Variants in KCNMA1 observed in about 807,000 individuals in gnomAD.
The protein encoded by KCNMA1 is Calcium-activated potassium channel subunit alpha-1.
In KCNMA1, 29 loss-of-function variants were observed where a neutral mutation model predicts 140.0. The observed-to-expected ratio is 0.21, with a 90% CI of 0.15 to 0.28. KCNMA1 has a LOEUF of 0.28. Ranked by LOEUF, KCNMA1 falls within the 10% of genes least tolerant of loss-of-function variation. KCNMA1 has a pLI of 1.00. For missense variants in KCNMA1, 880 were observed against 1,602.2 expected (o/e 0.55, Z 7.70); for synonymous variants, 612 against 611.9 (o/e 1.00, Z 0.00).
At position 77,079,525 on chromosome 10, in the gene KCNMA1, G is replaced by A; in HGVS notation, c.1549C>T (p.Pro517Ser). The change falls in exon 13 of 28, where the codon CCG becomes TCG. Residue 517 changes from proline (P) to serine (S), a missense_variant. Pro to Ser is a moderately conservative substitution (Grantham distance 74). This residue lies in a region of KCNMA1 where 198 missense variants were observed against 580.1 expected (regional missense o/e 0.34). Coordinates refer to ENST00000286628, the MANE Select transcript of KCNMA1 (RefSeq NM_001161352.2). ...ATTTGAGTGATGATTCTTATCTTCG[G>A]ATGGTAGTTCTTTATGGAGATTACT... Reference protein sequence around the residue: ...MRVISIKNYHPKIRIITQMLQ... With the variant: ...MRVISIKNYHSKIRIITQMLQ... The A allele has an allele frequency of 1.2e-6, 2 of 1,611,936 alleles. No individual in the cohort carries two copies. Among genetic ancestry groups the A allele is most frequent in the Non-Finnish European group, 1.7e-6 (2 of 1,178,028 alleles).
intron 23 of KCNMA1, among the ~76,000 whole-genome samples, chr10:76,917,140 T>C (rs1029850036): frequency 3.3e-5 from 5 of 152,218 alleles, no homozygotes. Context: ...CTGTTTTCAT[T>C]AGAAGTTTCA....
chr10:77,423,621 GA>G (rs2154488123), intron 1 of KCNMA1, among the ~76,000 whole-genome samples: 1 of 152,272 alleles, frequency 6.6e-6, no homozygotes, highest in East Asian at 1.9e-4. Context: ...GAGGCCACAG[GA>G]TGAAAAATCA....
At chr10:77,474,673 G>C (rs2098240042) in intron 1 of KCNMA1, among the ~76,000 whole-genome samples, 1 of 151,958 alleles carries the variant, frequency 6.6e-6, no homozygotes, top group Non-Finnish European at 1.5e-5. Flanking sequence ...AGACTGGACA[G>C]CCAAACAACA....
At chr10:76,984,795 C>T (rs1306016933) in intron 19 of KCNMA1, among the ~76,000 whole-genome samples, 1 of 152,182 alleles carries the variant, frequency 6.6e-6, no homozygotes, top group Non-Finnish European at 1.5e-5. Flanking sequence ...AGCACTGCAT[C>T]AGGCAAGTTG....
chr10:76,992,216 A>C (rs776004940), intron 19 of KCNMA1, among the ~76,000 whole-genome samples: 13 of 152,106 alleles, frequency 8.5e-5, no homozygotes, highest in Non-Finnish European at 1.5e-4. Context: ...ACCAAATGAG[A>C]TGGTCTGAGA....
intron 5 of KCNMA1, among the ~76,000 whole-genome samples, chr10:77,131,835 G>A (rs1011666147): frequency 7.3e-5 from 11 of 151,642 alleles, no homozygotes; most frequent in East Asian, 1.9e-4. Flanking sequence ...CATGGAGGCA[G>A]GCACCTGTAA....
At chr10:77,439,220 C>T (rs932483183) in intron 1 of KCNMA1, among the ~76,000 whole-genome samples, 2 of 152,172 alleles carry the variant, frequency 1.3e-5, no homozygotes, top group African/African-American at 2.4e-5. Context: ...ATTTCACAGA[C>T]AATACCTGTA....
intron 2 of KCNMA1, among the ~76,000 whole-genome samples, chr10:77,383,267 A>G (rs914277715): frequency 1.5e-4 from 23 of 151,738 alleles, no homozygotes; most frequent in African/African-American, 4.1e-4. Context: ...TGGTGCTCTC[A>G]TTCTTATGCC....
At chr10:77,508,603 A>G (rs2047137157) in intron 1 of KCNMA1, among the ~76,000 whole-genome samples, 2 of 54,912 alleles carry the variant, frequency 3.6e-5, no homozygotes, top group African/African-American at 2.0e-4. Flanking sequence ...TTTTTTGTAG[A>G]GGTGCTCTCT....
At chr10:77,122,630 T>C (rs936586345) in intron 5 of KCNMA1, among the ~76,000 whole-genome samples, 1 of 151,776 alleles carries the variant, frequency 6.6e-6, no homozygotes, top group East Asian at 1.9e-4. Context: ...GGATAAAATG[T>C]GTTGGCCAAA....
intron 1 of KCNMA1, among the ~76,000 whole-genome samples, chr10:77,633,045 C>T (rs1042902625): frequency 1.3e-5 from 2 of 152,160 alleles, no homozygotes; most frequent in Non-Finnish European, 2.9e-5. Context: ...GGCTGGACGC[C>T]GTGCCTCACG....
At chr10:77,143,422 A>C (rs2098224576) in intron 5 of KCNMA1, among the ~76,000 whole-genome samples, 1 of 152,194 alleles carries the variant, frequency 6.6e-6, no homozygotes, top group Non-Finnish European at 1.5e-5. Flanking sequence ...AATGAAACAG[A>C]GTCCAGAAAT....
chr10:77,196,816 C>A (rs138595811), intron 3 of KCNMA1, among the ~76,000 whole-genome samples: 1 of 152,070 alleles, frequency 6.6e-6, no homozygotes, highest in Non-Finnish European at 1.5e-5. Flanking sequence ...TGGAATGCCT[C>A]GCCTTTCATT....
At chr10:77,418,954 C>T (rs191269047) in intron 1 of KCNMA1, among the ~76,000 whole-genome samples, 6 of 152,280 alleles carry the variant, frequency 3.9e-5, no homozygotes, top group African/African-American at 1.4e-4. Context: ...CAGATTTTAA[C>T]CAGAGGGTAA....
intron 25 of KCNMA1, among the ~76,000 whole-genome samples, chr10:76,895,588 A>G (rs920001469): frequency 9.2e-5 from 14 of 152,224 alleles, no homozygotes; most frequent in African/African-American, 3.4e-4. Context: ...TATCCGTGCA[A>G]TGAGTATTAT....
intron 1 of KCNMA1, among the ~76,000 whole-genome samples, chr10:77,543,988 G>C (rs2060806093): frequency 6.6e-6 from 1 of 152,050 alleles, no homozygotes; most frequent in Admixed American, 6.5e-5. Flanking sequence ...TTTCAATGAA[G>C]ACATATTTTT....
chr10:77,025,537 A>C, intron 16 of KCNMA1: 2 of 1,174,090 alleles, frequency 1.7e-6, no homozygotes, highest in Non-Finnish European at 2.5e-6. Flanking sequence ...AGAAGGAATA[A>C]AACCTTTGTT....
intron 16 of KCNMA1, among the ~76,000 whole-genome samples, chr10:77,025,240 G>GTATATCTA (rs1384161555): frequency 1.5e-5 from 1 of 65,370 alleles, no homozygotes. Flanking sequence ...AGGGGTGTGT[G>GTATATCTA]TGTATATATA....
At chr10:77,315,883 A>T (rs532444917) in intron 2 of KCNMA1, among the ~76,000 whole-genome samples, 2 of 152,122 alleles carry the variant, frequency 1.3e-5, no homozygotes, top group South Asian at 2.1e-4. Context: ...ATCACCACAT[A>T]ATCATTCTAG....
Sources: gnomAD v4.1 joint callset for allele counts (sites outside exome capture counted in the v4.1 genomes callset) on GRCh38, gnomAD v4.1.1 for gene constraint, gnomAD v4.1.1 regional missense constraint, MANE v1.5 for transcripts, NCBI Gene and HGNC (gene_info 2026-07-23, HGNC 2026-07-21) for gene names.